Variants in DIS3L observed in about 807,000 individuals in gnomAD.
DIS3L encodes DIS3 like exosome 3'-5' exoribonuclease.
Under a neutral mutation model 120.3 loss-of-function variants are expected in DIS3L, and 100 were observed. The observed-to-expected ratio is 0.83, with a 90% confidence interval of 0.71 to 0.98. The LOEUF (loss-of-function observed/expected upper bound fraction) is 0.98, where lower values mean the gene tolerates loss of function less well. Among genes scored for constraint, DIS3L ranks in the 50% least tolerant of loss-of-function variants. The pLI is 0.00. For synonymous variants in DIS3L, 426 were observed against 470.6 expected, an observed-to-expected ratio of 0.91 and a Z score of 1.23; for missense variants, 1,196 against 1,314.2, an observed-to-expected ratio of 0.91 and a Z score of 1.39.
intron 5 of DIS3L, among the ~76,000 whole-genome samples, chr15:66,313,707 G>C (rs1214897476): frequency 6.6e-6 from 1 of 151,878 alleles, no homozygotes; most frequent in Non-Finnish European, 1.5e-5. Flanking sequence ...TCCTGCCTGG[G>C]TGACAGAGCA....
At chr15:66,328,528 A>C (rs1250541290) in intron 12 of DIS3L, among the ~76,000 whole-genome samples, 1 of 152,134 alleles carries the variant, frequency 6.6e-6, no homozygotes, top group Non-Finnish European at 1.5e-5. Flanking sequence ...TGTCTCTACA[A>C]AAAAATTATT....
upstream of DIS3L, chr15:66,293,345 C>A: frequency 4.0e-6 from 2 of 499,986 alleles, no homozygotes; most frequent in Non-Finnish European, 2.8e-6. Context: ...AGGTATCATC[C>A]TAGTCTTCCC....
chr15:66,306,535 A>G (rs75412187), intron 2 of DIS3L, among the ~76,000 whole-genome samples: 461 of 152,302 alleles, frequency 3.0e-3, no homozygotes, highest in African/African-American at 0.01. Context: ...ATAATTACAT[A>G]ATAAAATGGC....
In DIS3L at chr15:66,329,058, C is replaced by G. The variant is rs956721579; in HGVS notation, c.2290C>G (p.Gln764Glu). Residue 764 changes from glutamine (Q) to glutamate (E), a missense_variant, in exon 13 of 17, where the codon CAG (glutamine) becomes GAG (glutamate). Coordinates refer to ENST00000319212, the MANE Select transcript of DIS3L (RefSeq NM_001143688.3). ...CAGGCTACTGCGCTCCATGGCCACGCAGGCCATGTCGAATGCTCTGTACTT... is the reference window on the plus strand; with the variant it reads ...CAGGCTACTGCGCTCCATGGCCACGGAGGCCATGTCGAATGCTCTGTACTT... ...VNRLLRSMAT[Q>E]AMSNALYFST... The G allele has an allele frequency of 6.2e-7, 1 of 1,614,254 alleles. No individual in the cohort carries two copies.
rs2092762219 is a variant in DIS3L at position 66,311,614 on chromosome 15, C to A, written c.559-110C>A. On this transcript the variant is annotated intron_variant, in intron 4 of 16. Coordinates refer to ENST00000319212, the MANE Select transcript of DIS3L (RefSeq NM_001143688.3). ...TCAGGAAGTCCTGCTCACTGAGCAC[C>A]CCCTCAAGATGGCAGGCCAGCAATT... The A allele has an allele frequency of 1.2e-5, 15 of 1,265,620 alleles. No homozygotes were observed. The South Asian group carries it at 1.8e-4, about 16-fold the overall frequency. The allele number at this position is 1,265,620 out of a possible 1,614,324, so 78.4% of individuals were successfully genotyped here.
At chr15:66,322,518 C>T (rs2092895355) in intron 9 of DIS3L, among the ~76,000 whole-genome samples, 169 bp from the exon 10 acceptor site, 1 of 152,094 alleles carries the variant, frequency 6.6e-6, no homozygotes, top group Non-Finnish European at 1.5e-5. Flanking sequence ...CCTGGGATAT[C>T]TGAGGCACCT....
At chr15:66,323,182 T>C (rs2092903377) in intron 10 of DIS3L, among the ~76,000 whole-genome samples, 1 of 152,252 alleles carries the variant, frequency 6.6e-6, no homozygotes, top group African/African-American at 2.4e-5. Context: ...TAAATTTTCA[T>C]GTAGTAATAT....
At chr15:66,332,047 A>T in intron 15 of DIS3L, 27 bp downstream of exon 15, 1 of 1,582,106 alleles carries the variant, frequency 6.3e-7, no homozygotes, top group Non-Finnish European at 8.6e-7. Flanking sequence ...GCAATGGTGC[A>T]TAAGAAATCA....
chr15:66,303,712 ATTAC>A (rs556877538), intron 2 of DIS3L, among the ~76,000 whole-genome samples: 347 of 152,296 alleles, frequency 2.3e-3, no homozygotes, highest in African/African-American at 7.5e-3. Flanking sequence ...AATTGTTCCT[ATTAC>A]TTAACAAATA....
chr15:66,304,998 C>CTTTT (rs1283384329), intron 2 of DIS3L, among the ~76,000 whole-genome samples: 12 of 105,068 alleles, frequency 1.1e-4, no homozygotes, highest in South Asian at 3.2e-4. Context: ...AAATCGATTT[C>CTTTT]TTTTTTTTTT....
chr15:66,333,140 A>G lies in DIS3L; in HGVS notation c.2993A>G (p.Lys998Arg), dbSNP rs2093020144. Residue 998 changes from lysine to arginine, a missense_variant, in exon 17 of 17, where the codon AAA becomes AGA. Transcript: ENST00000319212. ...CCCTTGCTGAAGAGTGAGTTAGTGAAAGAAGTAACTAAATCTGTGGAAGAA... is the reference window on the plus strand; with the variant it reads ...CCCTTGCTGAAGAGTGAGTTAGTGAGAGAAGTAACTAAATCTGTGGAAGAA... ...SSPLLKSELV[K>R]EVTKSVEEAQ... 1 of 1,613,858 alleles carries G rather than the reference A, an allele frequency of 6.2e-7. No individual in the cohort carries two copies. Among genetic ancestry groups the G allele is most frequent in the East Asian group, 2.2e-5 (1 of 44,878 alleles).
In DIS3L at chr15:66,333,090, T is replaced by C. The variant is rs1272438016; in HGVS notation, c.2943T>C (p.Asn981=). The change falls in exon 17 of 17, where the codon AAT becomes AAC. Residue 981 remains asparagine (N), a synonymous_variant. Transcript: ENST00000319212. ...IISNKPYKIP[N]TELIHQSSPL... is the part of the protein sequence containing the mutation. ...GTAACAAACCATACAAGATACCAAA[T>C]ACAGAACTTATTCATCAGAGTTCCC... 10 of 1,613,314 alleles carry C rather than the reference T, an allele frequency of 6.2e-6. No homozygotes were observed. The highest frequency in any genetic ancestry group is 7.6e-6 in the Non-Finnish European group (9 of 1,180,020).
chr15:66,312,012 G>C (rs1270354852), intron 5 of DIS3L, 112 bp downstream of exon 5: 4 of 1,268,460 alleles, frequency 3.2e-6, no homozygotes, highest in Non-Finnish European at 4.3e-6. Context: ...CTGGAGACCA[G>C]ACTGGGCAAC....
rs576202601 is a variant in DIS3L, at chr15:66,305,162, G to A, written c.294-1662G>A. The stretch of plus-strand genomic sequence containing the variant: ...ACTACAGGCACCCACCACCACGCCC[G>A]GCTAATTTTTTGTATTTTTAGTAGA... On this transcript the variant is annotated intron_variant, in intron 2 of 16. Coordinates refer to ENST00000319212, the MANE Select transcript of DIS3L (RefSeq NM_001143688.3). 2.5e-4 allele frequency among the ~76,000 whole-genome samples: 38 copies of A among 151,050 alleles called. 1 individual carries two copies. The highest frequency in any genetic ancestry group is 1.3e-3 in the South Asian group (6 of 4,740).
rs1469412558 is a variant in DIS3L, at chr15:66,332,812, G to A, written c.2758G>A (p.Glu920Lys). ...VISCGPDSCS[E>K]WKPGSLQRFQ... is the part of the protein sequence containing the mutation. Reference sequence around the variant, plus strand: ...CTCATGTGGCCCAGATAGCTGTTCTGAATGGAAACCAGGATCCCTTCAACG... The same window carrying A: ...CTCATGTGGCCCAGATAGCTGTTCTAAATGGAAACCAGGATCCCTTCAACG... The change falls in exon 16 of 17, where the codon GAA (glutamate) becomes AAA (lysine). Residue 920 changes from glutamate to lysine, a missense_variant. By Grantham distance (56) the Glu-to-Lys change is moderately conservative. Transcript: ENST00000319212. 1.2e-6 allele frequency: 2 copies of A among 1,613,954 alleles called. No individual in the cohort carries two copies. Among genetic ancestry groups the A allele is most frequent in the Middle Eastern group, 1.7e-4 (1 of 6,060 alleles).
intron 2 of DIS3L, among the ~76,000 whole-genome samples, chr15:66,298,473 G>A (rs980870373): frequency 6.6e-6 from 1 of 152,030 alleles, no homozygotes; most frequent in Non-Finnish European, 1.5e-5. Context: ...TCAGAAAACC[G>A]CAAATGAACA....
intron 1 of DIS3L, chr15:66,294,527 T>G (rs968310342): frequency 1.0e-6 from 1 of 989,918 alleles, no homozygotes; most frequent in African/African-American, 1.7e-5. Flanking sequence ...GCACGTTGCT[T>G]GCACGGAGCA....
chr15:66,313,548 G>C (rs1183642740), intron 5 of DIS3L, among the ~76,000 whole-genome samples: 1 of 151,936 alleles, frequency 6.6e-6, no homozygotes, highest in African/African-American at 2.4e-5. Flanking sequence ...GACCAACATG[G>C]AGAAACCCTG....
At position 66,308,724 on chromosome 15, in the gene DIS3L, A is replaced by G. The variant is rs566017596; in HGVS notation, c.438A>G (p.Ala146=). 1.3e-4 allele frequency: 206 copies of G among 1,612,572 alleles called. No individual in the cohort carries two copies. In the South Asian group the frequency reaches 2.1e-3, roughly 16 times the overall value. ...GCTTTTCCAGGAGCATATACAACGCAGCTGTTTGGTACTATCATCACTGCC... is the reference window on the plus strand; with the variant it reads ...GCTTTTCCAGGAGCATATACAACGCGGCTGTTTGGTACTATCATCACTGCC... ...EKWQTRSIYN[A]AVWYYHHCQD... Residue 146 remains alanine (A), a synonymous_variant, in exon 4 of 17, where the codon GCA becomes GCG. Coordinates refer to ENST00000319212, the MANE Select transcript of DIS3L (RefSeq NM_001143688.3).
Sources: allele counts gnomAD v4.1 joint callset (sites outside exome capture counted in the v4.1 genomes callset), GRCh38; gene constraint gnomAD v4.1.1; transcripts MANE v1.5; gene names NCBI Gene and HGNC (gene_info 2026-07-23, HGNC 2026-07-21).